DNAH17: variants seen among roughly 807,000 people sequenced by gnomAD.
The protein encoded by DNAH17 is axonemal beta dynein heavy chain 17.
A neutral mutation model predicts 485.6 loss-of-function variants in DNAH17; 376 were observed. That is an observed-to-expected ratio of 0.77 (90% confidence interval 0.71 to 0.84). DNAH17 has a LOEUF of 0.84. Among genes scored for constraint, DNAH17 ranks in the 40% least tolerant of loss-of-function variants. The pLI, the probability that DNAH17 is intolerant of heterozygous loss-of-function variation, is 0.00. For missense variants in DNAH17, 6,370 were observed against 5,839.3 expected (o/e 1.09, Z -2.96); for synonymous variants, 3,031 against 2,405.9 (o/e 1.26, Z -7.60).
In DNAH17 at chr17:78,569,520, G is replaced by T. The variant is rs1323012828; in HGVS notation, c.1052C>A (p.Thr351Asn). ...CAGCACCTCTTCCGGGCTCAGGAAG[G>T]TTCGTGTCTGGGCAAAAGAGAAGAC... ...FCNQIIEMTR[T>N]FLSPEEVLKG... is the part of the protein sequence containing the mutation. The change falls in exon 8 of 81, where the codon ACC becomes AAC. Residue 351 changes from threonine (T) to asparagine (N), a missense_variant. Physicochemically the swap from Thr to Asn is moderately conservative, Grantham distance 65. Transcript: ENST00000389840. 16 of 1,604,860 alleles carry T rather than the reference G, an allele frequency of 1.0e-5. No homozygotes were observed. Among genetic ancestry groups the T allele is most frequent in the African/African-American group, 2.7e-5 (2 of 74,772 alleles).
intron 19 of DNAH17, among the ~76,000 whole-genome samples, chr17:78,535,883 T>C (rs1241699156): frequency 1.3e-5 from 2 of 152,238 alleles, no homozygotes; most frequent in Non-Finnish European, 2.9e-5. Flanking sequence ...GCCACTCCCC[T>C]CTTCCACAAA....
intron 51 of DNAH17, among the ~76,000 whole-genome samples, chr17:78,478,542 CCATCATGACAATCACCAT>C (rs950498216): frequency 2.6e-5 from 4 of 151,392 alleles, no homozygotes; most frequent in Non-Finnish European, 5.9e-5. Flanking sequence ...ATCATCACCA[CCATCATGACAATCACCAT>C]CATCATGACC....
intron 9 of DNAH17, among the ~76,000 whole-genome samples, chr17:78,567,875 C>T (rs1204653290): frequency 6.6e-6 from 1 of 152,186 alleles, no homozygotes; most frequent in Non-Finnish European, 1.5e-5. Context: ...TCCAAGGCTC[C>T]CTGGATGCTC....
intron 69 of DNAH17, among the ~76,000 whole-genome samples, chr17:78,448,846 G>A (rs1453471711): frequency 6.6e-6 from 1 of 152,172 alleles, no homozygotes; most frequent in Non-Finnish European, 1.5e-5. Context: ...CTTGCCAGAT[G>A]CCAGCACTTT....
At chr17:78,560,527 C>A (rs925733594) in intron 13 of DNAH17, among the ~76,000 whole-genome samples, 1 of 152,004 alleles carries the variant, frequency 6.6e-6, no homozygotes, top group African/African-American at 2.4e-5. Flanking sequence ...ATCACAGGAA[C>A]GCTTTCAAGA....
chr17:78,438,482 C>G (rs1167592862), intron 73 of DNAH17, among the ~76,000 whole-genome samples: 1 of 73,158 alleles, frequency 1.4e-5, no homozygotes, highest in Non-Finnish European at 2.6e-5. Context: ...CTTTTGTCAA[C>G]CCAGCACTTG....
chr17:78,462,342 G>A (rs564562156), intron 57 of DNAH17, among the ~76,000 whole-genome samples: 1 of 152,160 alleles, frequency 6.6e-6, no homozygotes, highest in East Asian at 1.9e-4. Flanking sequence ...CAGCAGGGAG[G>A]TGGCAGCTAT....
chr17:78,508,649 T>C (rs988692464), intron 27 of DNAH17, among the ~76,000 whole-genome samples: 23 of 152,152 alleles, frequency 1.5e-4, no homozygotes, highest in African/African-American at 5.3e-4. Context: ...GAGGGGGATC[T>C]ATAGAGGGGG....
At chr17:78,519,127 C>T (rs998923896) in intron 25 of DNAH17, among the ~76,000 whole-genome samples, 4 of 138,814 alleles carry the variant, frequency 2.9e-5, no homozygotes, top group African/African-American at 1.1e-4. Context: ...AAGATAGCGC[C>T]ACTGCAGTCT....
At chr17:78,486,622 G>A (rs2089621854) in intron 44 of DNAH17, 116 bp from the exon 45 acceptor site, 2 of 1,305,122 alleles carry the variant, frequency 1.5e-6, no homozygotes, top group Admixed American at 2.7e-5. Flanking sequence ...TGCCCTCAGG[G>A]TCACCATGCC....
intron 22 of DNAH17, 62 bp downstream of exon 22, chr17:78,529,410 G>A: frequency 6.5e-7 from 1 of 1,543,090 alleles, no homozygotes; most frequent in South Asian, 1.1e-5. Flanking sequence ...GCTGGTCCAT[G>A]GTCGCGGCCG....
chr17:78,480,077 G>A lies in DNAH17; in HGVS notation c.7753-445C>T, dbSNP rs557291213. 3.9e-4 allele frequency among the ~76,000 whole-genome samples: 50 copies of A among 127,806 alleles called. 9 individuals are homozygous for A. Among genetic ancestry groups the A allele is most frequent in the African/African-American group, 1.5e-3 (50 of 34,234 alleles). 83.8% of individuals were successfully genotyped at this position (127,806 alleles called of 152,430 possible). On this transcript the variant is annotated intron_variant, in intron 49 of 80. Coordinates refer to ENST00000389840, the MANE Select transcript of DNAH17 (RefSeq NM_173628.4). ...AAAAAGTATGTCCCAGGCCGGGCAC[G>A]GTGACTCCCACCTGTAATCCCAGCA...
Position 78,453,433 on chromosome 17 carries a change from TC to T in DNAH17, c.10438del (p.Glu3480LysfsTer48), listed in dbSNP as rs1177158655. ...YLDVIEQAIS[E>X]GDTLLIENIG... ...GTTCTCAATGAGCAAGGTGTCCCCT[TC>T]CGAGATGGCCTGCTCGATGACATCC... On this transcript the variant is annotated frameshift_variant, in exon 65 of 81. Transcript: ENST00000389840. LOFTEE classifies it high-confidence loss of function. 1.9e-6 allele frequency: 3 copies of T among 1,613,824 alleles called. No individual in the cohort carries two copies. The highest frequency in any genetic ancestry group is 2.5e-6 in the Non-Finnish European group (3 of 1,179,864).
At chr17:78,539,283 G>A (rs1232829620) in intron 18 of DNAH17, among the ~76,000 whole-genome samples, 1 of 152,108 alleles carries the variant, frequency 6.6e-6, no homozygotes, top group Non-Finnish European at 1.5e-5. Context: ...AGGGGCCATT[G>A]CCATGGAAAG....
In DNAH17 at chr17:78,450,955, G is replaced by A. The variant is rs1433082488; in HGVS notation, c.10735-109C>T. ...GAGCCAAGGCCCAGGCTTTGAGCGG[G>A]AGGAACGAGCTCAGGTCCTGGAAGG... On this transcript the variant is annotated intron_variant, in intron 66 of 80. Coordinates refer to ENST00000389840, the MANE Select transcript of DNAH17 (RefSeq NM_173628.4). 5.0e-6 allele frequency: 7 copies of A among 1,405,210 alleles called. No individual in the cohort carries two copies. In the East Asian group the frequency reaches 1.6e-4, roughly 32 times the overall value. The allele number at this position is 1,405,210 out of a possible 1,614,324, so 87.0% of individuals were successfully genotyped here.
At chr17:78,530,660 C>G in intron 20 of DNAH17, 148 bp from the exon 21 acceptor site, 1 of 893,752 alleles carries the variant, frequency 1.1e-6, no homozygotes, top group Non-Finnish European at 1.7e-6. Context: ...AAGGGCAGTA[C>G]GGGACACATG....
At chr17:78,504,322 C>T (rs2090411678) in intron 31 of DNAH17, among the ~76,000 whole-genome samples, 1 of 152,168 alleles carries the variant, frequency 6.6e-6, no homozygotes, top group South Asian at 2.1e-4. Flanking sequence ...ACCTCGACCT[C>T]CCAAAGTGCT....
Position 78,437,837 on chromosome 17 carries a change from G to A in DNAH17, c.11837C>T (p.Thr3946Ile). The A allele has an allele frequency of 3.7e-6, 6 of 1,611,418 alleles. No homozygotes were observed. The highest frequency in any genetic ancestry group is 5.1e-6 in the Non-Finnish European group (6 of 1,179,058). ...NIHLVARWLG[T>I]LDKKLEHYST... ...GTAGTGCTCCAGCTTCTTGTCCAGTGTTCCCAGCCACCGGGCCACCAGGTG... is the reference window on the plus strand; with the variant it reads ...GTAGTGCTCCAGCTTCTTGTCCAGTATTCCCAGCCACCGGGCCACCAGGTG... Residue 3946 changes from threonine (T) to isoleucine (I), a missense_variant, in exon 74 of 81, where the codon ACA (threonine) becomes ATA (isoleucine). By Grantham distance (89) the Thr-to-Ile change is moderately conservative. Transcript: ENST00000389840.
In DNAH17 at chr17:78,567,052, G is replaced by C; in HGVS notation, c.1399C>G (p.Leu467Val). Reference sequence around the variant, plus strand: ...TTGCAGTCGGCAAAAACCTTCACCAGCTCAAAGACCTCATCATAGATACGG... The same window carrying C: ...TTGCAGTCGGCAAAAACCTTCACCACCTCAAAGACCTCATCATAGATACGG... ...VTRIYDEVFE[L>V]VKVFADCKYD... The change falls in exon 10 of 81, where the codon CTG becomes GTG. Residue 467 changes from leucine (L) to valine (V), a missense_variant. Leu to Val is a conservative substitution (Grantham distance 32). Coordinates refer to ENST00000389840, the MANE Select transcript of DNAH17 (RefSeq NM_173628.4). The C allele has an allele frequency of 1.2e-6, 2 of 1,613,758 alleles. No homozygotes were observed. The highest frequency in any genetic ancestry group is 1.7e-6 in the Non-Finnish European group (2 of 1,179,828).
Sources: gnomAD v4.1 joint callset for allele counts (sites outside exome capture counted in the v4.1 genomes callset) on GRCh38, gnomAD v4.1.1 for gene constraint, MANE v1.5 for transcripts, NCBI Gene and HGNC (gene_info 2026-07-23, HGNC 2026-07-21) for gene names.